Variants in CSGALNACT1 observed in about 807,000 individuals in gnomAD.
CSGALNACT1 encodes the protein chondroitin sulfate N-acetylgalactosaminyltransferase 1.
In CSGALNACT1, 52 loss-of-function variants were observed where a neutral mutation model predicts 51.0. The ratio of observed to expected loss-of-function variants is 1.02; its 90% CI spans 0.82 to 1.29. CSGALNACT1 has a LOEUF of 1.29. Among genes scored for constraint, CSGALNACT1 ranks in the 50% most tolerant of loss-of-function variants. The pLI is 0.00. For missense variants in CSGALNACT1, 935 were observed against 679.2 expected (o/e 1.38, Z -4.19); for synonymous variants, 341 against 254.4 (o/e 1.34, Z -3.24).
intron 6 of CSGALNACT1, among the ~76,000 whole-genome samples, chr8:19,430,771 T>C (rs1009768554): frequency 1.3e-5 from 2 of 152,156 alleles, no homozygotes; most frequent in South Asian, 2.1e-4. Flanking sequence ...ACTGAAACTA[T>C]AGATCGACTG....
At chr8:19,563,692 C>G (rs1430770250) in intron 3 of CSGALNACT1, among the ~76,000 whole-genome samples, 1 of 152,134 alleles carries the variant, frequency 6.6e-6, no homozygotes, top group Non-Finnish European at 1.5e-5. Context: ...TAAGCAGTCT[C>G]CACCTCCACT....
At chr8:19,629,995 C>T (rs1047979697) in intron 1 of CSGALNACT1, among the ~76,000 whole-genome samples, 13 of 152,074 alleles carry the variant, frequency 8.5e-5, no homozygotes, top group Admixed American at 1.3e-4. Flanking sequence ...CAGGGGAGTC[C>T]GACATCCTAA....
At chr8:19,553,926 C>CA (rs71205932) in intron 3 of CSGALNACT1, among the ~76,000 whole-genome samples, 31 of 151,090 alleles carry the variant, frequency 2.1e-4, no homozygotes, top group African/African-American at 6.6e-4. Context: ...CACACACACA[C>CA]CCAGAATCAA....
intron 1 of CSGALNACT1, among the ~76,000 whole-genome samples, chr8:19,657,314 C>CTGAAAGAT (rs1281175111): frequency 4.8e-5 from 3 of 62,860 alleles, no homozygotes; most frequent in East Asian, 1.0e-3. Flanking sequence ...AACTGAAAGA[C>CTGAAAGAT]GTGAGGATGT....
chr8:19,689,756 T>A (rs2061183647), intron 1 of CSGALNACT1, among the ~76,000 whole-genome samples: 1 of 152,194 alleles, frequency 6.6e-6, no homozygotes, highest in African/African-American at 2.4e-5. Context: ...TTATCTGACC[T>A]GAGAAATCAA....
chr8:19,533,613 T>A (rs1180657639), intron 3 of CSGALNACT1, among the ~76,000 whole-genome samples: 1 of 152,164 alleles, frequency 6.6e-6, no homozygotes, highest in Non-Finnish European at 1.5e-5. Flanking sequence ...TTTGATCATA[T>A]CTTTTCATGT....
intron 3 of CSGALNACT1, among the ~76,000 whole-genome samples, chr8:19,550,830 T>C (rs1221071779): frequency 6.6e-6 from 1 of 152,198 alleles, no homozygotes; most frequent in African/African-American, 2.4e-5. Flanking sequence ...GATAGCACCA[T>C]TCCATACAGA....
intron 3 of CSGALNACT1, among the ~76,000 whole-genome samples, chr8:19,545,713 A>C (rs943966953): frequency 1.3e-5 from 2 of 151,830 alleles, no homozygotes; most frequent in Non-Finnish European, 2.9e-5. Context: ...TTTCCTCCCA[A>C]GTCTCCAGGC....
chr8:19,417,000 T>C (rs1267603618), intron 8 of CSGALNACT1, among the ~76,000 whole-genome samples: 1 of 152,066 alleles, frequency 6.6e-6, no homozygotes, highest in Non-Finnish European at 1.5e-5. Context: ...GGACTGTAGG[T>C]GTGTGCCACT....
intron 4 of CSGALNACT1, among the ~76,000 whole-genome samples, chr8:19,496,497 A>G (rs528443073): frequency 1.3e-5 from 2 of 152,208 alleles, no homozygotes; most frequent in Admixed American, 6.5e-5. Context: ...AAACTAATCA[A>G]TAGGTTTTAA....
intron 6 of CSGALNACT1, among the ~76,000 whole-genome samples, chr8:19,429,920 T>TGA (rs1311810678): frequency 2.0e-5 from 3 of 152,156 alleles, no homozygotes; most frequent in East Asian, 3.9e-4. Flanking sequence ...GCCATCCCGG[T>TGA]GAGTGTAGTT....
chr8:19,504,927 A>G (rs895784565), intron 4 of CSGALNACT1, among the ~76,000 whole-genome samples: 1 of 152,160 alleles, frequency 6.6e-6, no homozygotes, highest in Non-Finnish European at 1.5e-5. Context: ...ATGTTTATCT[A>G]TTTTTAAAAT....
intron 3 of CSGALNACT1, among the ~76,000 whole-genome samples, chr8:19,584,060 T>C (rs117531920): frequency 6.6e-6 from 1 of 152,310 alleles, no homozygotes; most frequent in Non-Finnish European, 1.5e-5. Flanking sequence ...AAGTGTTTCT[T>C]AAAAATACTC....
intron 1 of CSGALNACT1, among the ~76,000 whole-genome samples, chr8:19,620,705 A>T (rs1423706724): frequency 6.6e-6 from 1 of 152,208 alleles, no homozygotes; most frequent in Non-Finnish European, 1.5e-5. Flanking sequence ...AAGCACTGGG[A>T]TTACAGGCAT....
At chr8:19,446,934 C>T (rs1298675804) in intron 5 of CSGALNACT1, among the ~76,000 whole-genome samples, 3 of 152,156 alleles carry the variant, frequency 2.0e-5, no homozygotes, top group Non-Finnish European at 4.4e-5. Flanking sequence ...CATATTGTAA[C>T]AAGAGAGTAT....
intron 2 of CSGALNACT1, among the ~76,000 whole-genome samples, chr8:19,600,675 T>C (rs944301968): frequency 1.3e-5 from 2 of 152,194 alleles, no homozygotes; most frequent in African/African-American, 4.8e-5. Flanking sequence ...CCAAGGTTTT[T>C]TTTATTTTTT....
intron 9 of CSGALNACT1, 50 bp downstream of exon 8, chr8:19,408,554 TCAAGGCCTA>T: frequency 1.5e-6 from 2 of 1,313,618 alleles, no homozygotes; most frequent in Non-Finnish European, 2.1e-6. Context: ...CTTGATTCCT[TCAAGGCCTA>T]CATGGGCCCG....
chr8:19,735,499 T>C (rs997781062), intron 1 of CSGALNACT1, among the ~76,000 whole-genome samples: 2 of 149,628 alleles, frequency 1.3e-5, no homozygotes, highest in Non-Finnish European at 1.5e-5. Flanking sequence ...GGGAAAGCTG[T>C]CATGAGCAAG....
At chr8:19,607,262 A>G (rs2051522456), upstream of CSGALNACT1, among the ~76,000 whole-genome samples, 1 of 152,242 alleles carries the variant, frequency 6.6e-6, no homozygotes, top group Non-Finnish European at 1.5e-5. Context: ...ATAATCGACA[A>G]TGAAGTGATT....
Sources: gnomAD v4.1 joint callset for allele counts (sites outside exome capture counted in the v4.1 genomes callset) on GRCh38, gnomAD v4.1.1 for gene constraint, MANE v1.5 for transcripts, NCBI Gene and HGNC (gene_info 2026-07-23, HGNC 2026-07-21) for gene names.